RBFOX1: variants seen among roughly 807,000 people sequenced by gnomAD.
The protein encoded by RBFOX1 is RNA binding protein fox-1 homolog 1.
RBFOX1 carries 8 observed loss-of-function variants against 57.7 expected under a neutral mutation model. The observed-to-expected ratio is 0.14, with a 90% CI of 0.08 to 0.25. The LOEUF (loss-of-function observed/expected upper bound fraction) is 0.25. Among genes scored for constraint, RBFOX1 ranks in the 10% least tolerant of loss-of-function variants. The probability of loss-of-function intolerance (pLI) is 1.00; values close to 1 mark genes in which losing one functional copy is unlikely to be tolerated. For synonymous variants in RBFOX1, 326 were observed against 222.4 expected (o/e 1.47, Z -4.15); for missense variants, 611 against 548.5 (o/e 1.11, Z -1.14).
chr16:6,892,930 G>T (rs115470498), intron 3 of RBFOX1, among the ~76,000 whole-genome samples: 1,853 of 152,000 alleles, frequency 0.012, 48 homozygotes, highest in African/African-American at 0.042. Context: ...CTATTCTTGC[G>T]TGTGTGGCGC....
intron 10 of RBFOX1, among the ~76,000 whole-genome samples, chr16:7,625,504 G>T (rs1171300294): frequency 6.6e-6 from 1 of 152,140 alleles, no homozygotes; most frequent in Non-Finnish European, 1.5e-5. Context: ...GGGGGCCCCA[G>T]AATACTCATT....
chr16:7,148,879 C>A (rs909827443), intron 4 of RBFOX1, among the ~76,000 whole-genome samples: 1 of 152,152 alleles, frequency 6.6e-6, no homozygotes, highest in Non-Finnish European at 1.5e-5. Context: ...TTCATTCTTC[C>A]TTATGCTCGG....
intron 4 of RBFOX1, among the ~76,000 whole-genome samples, chr16:7,358,172 T>C (rs569889479): frequency 2.6e-5 from 4 of 152,320 alleles, no homozygotes; most frequent in African/African-American, 9.6e-5. Context: ...TATCATCCTA[T>C]TGGATATGCA....
intron 3 of RBFOX1, among the ~76,000 whole-genome samples, chr16:6,808,198 A>G (rs1452337024): frequency 1.4e-5 from 2 of 148,044 alleles, no homozygotes; most frequent in African/African-American, 5.2e-5. Context: ...ATATATATAT[A>G]TAGTTCTATT....
intron 2 of RBFOX1, among the ~76,000 whole-genome samples, chr16:5,502,139 A>C (rs2043219149): frequency 6.6e-6 from 1 of 152,116 alleles, no homozygotes. Context: ...GGGTTAGCTA[A>C]ACTAGGGGAA....
chr16:7,488,180 C>G (rs1021490959), intron 4 of RBFOX1, among the ~76,000 whole-genome samples: 2 of 152,172 alleles, frequency 1.3e-5, no homozygotes, highest in African/African-American at 4.8e-5. Context: ...CTGCTCACAT[C>G]TTCATCTGCA....
intron 1 of RBFOX1, among the ~76,000 whole-genome samples, chr16:5,349,882 G>T (rs1014705217): frequency 6.6e-6 from 1 of 152,124 alleles, no homozygotes; most frequent in Non-Finnish European, 1.5e-5. Flanking sequence ...TCCCTGGCCA[G>T]GAAACACATG....
intron 1 of RBFOX1, among the ~76,000 whole-genome samples, chr16:5,381,733 T>G (rs2066136097): frequency 6.6e-6 from 1 of 152,248 alleles, no homozygotes. Context: ...TGGTGATTAA[T>G]GTCGCTTCAT....
chr16:6,598,471 A>G (rs1057467334), intron 2 of RBFOX1, among the ~76,000 whole-genome samples: 6 of 152,334 alleles, frequency 3.9e-5, no homozygotes, highest in Admixed American at 3.9e-4. Flanking sequence ...TAATCCTATT[A>G]ATCAGTCTGT....
intron 4 of RBFOX1, among the ~76,000 whole-genome samples, chr16:5,916,724 C>T (rs867210791): frequency 6.6e-6 from 1 of 152,110 alleles, no homozygotes; most frequent in African/African-American, 2.4e-5. Context: ...GTCAGCACCA[C>T]CCCCCACACT....
chr16:7,241,270 CACT>C (rs530343053), intron 4 of RBFOX1, among the ~76,000 whole-genome samples: 169 of 152,212 alleles, frequency 1.1e-3, no homozygotes, highest in African/African-American at 3.9e-3. Flanking sequence ...TCAGTCTCGG[CACT>C]ACTATTTATT....
intron 3 of RBFOX1, among the ~76,000 whole-genome samples, chr16:6,830,803 T>C (rs2092652647): frequency 6.6e-6 from 1 of 152,008 alleles, no homozygotes. Flanking sequence ...GTCGAGAGAG[T>C]CATCCAGATA....
intron 4 of RBFOX1, among the ~76,000 whole-genome samples, chr16:7,102,342 GA>G (rs2062838702): frequency 6.6e-6 from 1 of 152,230 alleles, no homozygotes; most frequent in African/African-American, 2.4e-5. Flanking sequence ...ATCTGATACA[GA>G]GCCTAAGTCT....
chr16:5,941,052 A>G lies in RBFOX1; in HGVS notation c.351+73717A>G, dbSNP rs77473496. ...TGGGTTGTTGTGAGAATTAAATGAGATGATGCATGCAAATCCTGGAACACA... is the reference window on the plus strand; with the variant it reads ...TGGGTTGTTGTGAGAATTAAATGAGGTGATGCATGCAAATCCTGGAACACA... On this transcript the variant is annotated intron_variant, in intron 4 of 19. Transcript: ENST00000641259. Among the ~76,000 whole-genome samples the G allele has an allele frequency of 1.0e-3, 152 of 152,248 alleles. 2 individuals carry two copies. The highest frequency in any genetic ancestry group is 3.5e-3 in the African/African-American group (146 of 41,548).
At chr16:6,960,525 C>A (rs905548109) in intron 3 of RBFOX1, among the ~76,000 whole-genome samples, 1 of 152,102 alleles carries the variant, frequency 6.6e-6, no homozygotes, top group Non-Finnish European at 1.5e-5. Flanking sequence ...GGTCTGGGAA[C>A]AACTCTTCAG....
At chr16:6,721,125 G>T (rs949293085) in intron 3 of RBFOX1, among the ~76,000 whole-genome samples, 1 of 150,772 alleles carries the variant, frequency 6.6e-6, no homozygotes, top group Admixed American at 6.7e-5. Context: ...AAATGTAATT[G>T]TGGTAAAGTA....
At chr16:5,652,376 G>A (rs2049270286) in intron 3 of RBFOX1, among the ~76,000 whole-genome samples, 1 of 152,108 alleles carries the variant, frequency 6.6e-6, no homozygotes, top group Non-Finnish European at 1.5e-5. Flanking sequence ...AATGCAGATC[G>A]GTCTGACCCC....
At chr16:5,551,232 T>A (rs1034163706) in intron 2 of RBFOX1, among the ~76,000 whole-genome samples, 1 of 152,146 alleles carries the variant, frequency 6.6e-6, no homozygotes, top group Non-Finnish European at 1.5e-5. Flanking sequence ...TCCTTCCCCA[T>A]CCTCCCAGGC....
intron 3 of RBFOX1, among the ~76,000 whole-genome samples, chr16:6,942,590 G>T (rs1260179991): frequency 6.6e-6 from 1 of 152,152 alleles, no homozygotes; most frequent in South Asian, 2.1e-4. Context: ...AAGTGATTGG[G>T]TGATCAAGAC....
Sources: gnomAD v4.1 joint callset for allele counts (sites outside exome capture counted in the v4.1 genomes callset) on GRCh38, gnomAD v4.1.1 for gene constraint, MANE v1.5 for transcripts, NCBI Gene and HGNC (gene_info 2026-07-23, HGNC 2026-07-21) for gene names.